Variants in NLN observed in about 807,000 individuals in gnomAD.
NLN encodes the protein neurolysin, also known as neurolysin, mitochondrial.
A neutral mutation model predicts 79.9 loss-of-function variants in NLN; 64 were observed. The ratio of observed to expected loss-of-function variants is 0.80; its 90% CI spans 0.65 to 0.99. NLN has a LOEUF of 0.99. NLN is among the 50% of genes least tolerant of loss of function. The pLI is 0.00. For synonymous variants in NLN, 267 were observed against 296.6 expected, an observed-to-expected ratio of 0.90 and a Z score of 1.02; for missense variants, 835 against 858.7, an observed-to-expected ratio of 0.97 and a Z score of 0.34.
In NLN at chr5:65,820,061, C is replaced by A. The variant is rs139494375; in HGVS notation, c.1981-2720C>A. Reference sequence around the variant, plus strand: ...AGTGCCCTGCTCTGAAATGATTTTACCATTCATGAGCTGTCTCTTTATAAC... The same window carrying A: ...AGTGCCCTGCTCTGAAATGATTTTAACATTCATGAGCTGTCTCTTTATAAC... On this transcript the variant is annotated intron_variant, in intron 12 of 12. Coordinates refer to ENST00000380985, the MANE Select transcript of NLN (RefSeq NM_020726.5). Among the ~76,000 whole-genome samples the A allele has an allele frequency of 5.1e-3, 780 of 152,330 alleles. 2 individuals carry two copies. The highest frequency in any genetic ancestry group is 0.015 in the African/African-American group (622 of 41,586).
intron 10 of NLN, 21 bp downstream of exon 10, chr5:65,809,722 A>C: frequency 6.5e-7 from 1 of 1,528,154 alleles, no homozygotes; most frequent in South Asian, 1.2e-5. Context: ...TAATTTTAAA[A>C]AGGAAAATAA....
chr5:65,812,069 C>T (rs981512266), intron 11 of NLN, among the ~76,000 whole-genome samples, 186 bp from the exon 12 acceptor site: 1 of 152,100 alleles, frequency 6.6e-6, no homozygotes, highest in Admixed American at 6.6e-5. Context: ...GAGGTTGAGC[C>T]ATTGATAGAT....
intron 1 of NLN, 140 bp downstream of exon 1, chr5:65,722,554 G>A (rs1758339691): frequency 1.4e-5 from 11 of 776,214 alleles, no homozygotes; most frequent in Admixed American, 5.7e-5. Context: ...GGCTTGCAAG[G>A]TGGACCCCTG....
chr5:65,793,287 G>A (rs2150765002), intron 9 of NLN: 1 of 158,326 alleles, frequency 6.3e-6, no homozygotes, highest in Non-Finnish European at 1.4e-5. Context: ...ATATGAACTT[G>A]CTAACATTTA....
chr5:65,726,044 G>A (rs1387590120), intron 1 of NLN, among the ~76,000 whole-genome samples: 2 of 151,744 alleles, frequency 1.3e-5, no homozygotes, highest in Non-Finnish European at 2.9e-5. Context: ...CCCGGAAGGT[G>A]GAGTTTGCAG....
chr5:65,775,125 T>C (rs1179613628), intron 3 of NLN, among the ~76,000 whole-genome samples: 1 of 152,226 alleles, frequency 6.6e-6, no homozygotes, highest in African/African-American at 2.4e-5. Flanking sequence ...ATAAGTAGTT[T>C]TAACTTTAAC....
chr5:65,784,107 G>A (rs1042110922), intron 6 of NLN, among the ~76,000 whole-genome samples: 6 of 152,088 alleles, frequency 3.9e-5, no homozygotes, highest in African/African-American at 1.2e-4. Context: ...AGTAAATGGT[G>A]GAACCAAATT....
At chr5:65,738,744 A>G (rs67117744) in intron 1 of NLN, among the ~76,000 whole-genome samples, 35,071 of 149,946 alleles carry the variant, frequency 0.23, 4,218 homozygotes, top group African/African-American at 0.27. Flanking sequence ...CTCAGCTGCT[A>G]GTAACTACCT....
rs765529648 is a variant in NLN, at chr5:65,812,360, G to C, written c.1949G>C (p.Cys650Ser). The C allele has an allele frequency of 1.9e-6, 3 of 1,566,034 alleles. No individual in the cohort carries two copies. In the East Asian group the frequency reaches 6.7e-5, roughly 35 times the overall value. The change falls in exon 12 of 13, where the codon TGT becomes TCT. Residue 650 changes from cysteine to serine, a missense_variant. By Grantham distance (112) the Cys-to-Ser change is moderately radical (BLOSUM62 -1). Coordinates refer to ENST00000380985, the MANE Select transcript of NLN (RefSeq NM_020726.5). The part of the protein sequence containing the change: ...EVFSMDMFYS[C>S]FKKEGIMNPE... ...TTTTCCATGGATATGTTTTACAGCTGTTTTAAAAAAGAAGGGATAATGAAT... is the reference window on the plus strand; with the variant it reads ...TTTTCCATGGATATGTTTTACAGCTCTTTTAAAAAAGAAGGGATAATGAAT...
intron 1 of NLN, among the ~76,000 whole-genome samples, chr5:65,731,832 C>T (rs1168907942): frequency 7.2e-6 from 1 of 138,464 alleles, no homozygotes; most frequent in Non-Finnish European, 1.5e-5. Context: ...CTCTCTGTAA[C>T]CTCTGCCTCC....
chr5:65,793,026 T>C (rs540750417), intron 9 of NLN: 4 of 357,558 alleles, frequency 1.1e-5, no homozygotes, highest in Admixed American at 8.2e-5. Flanking sequence ...TTGTTTACTT[T>C]AGTGGTTTTT....
chr5:65,788,130 A>G lies in NLN; in HGVS notation c.971A>G (p.Gln324Arg), dbSNP rs1001738667. 6.2e-7 allele frequency: 1 copy of G among 1,612,654 alleles called. No individual in the cohort carries two copies. The highest frequency in any genetic ancestry group is 8.5e-7 in the Non-Finnish European group (1 of 1,179,534). Residue 324 changes from glutamine (Q) to arginine (R), a missense_variant, in exon 8 of 13, where the codon CAG becomes CGG. Physicochemically the swap from Gln to Arg is conservative, Grantham distance 43. Transcript: ENST00000380985. ...RVTAFLDDLS[Q>R]KLKPLGEAER... The stretch of plus-strand genomic sequence containing the variant: ...CTTTTCCTTACAGATGATTTAAGCC[A>G]GAAGTTAAAACCCTTGGGTGAAGCA...
intron 11 of NLN, 44 bp downstream of exon 11, chr5:65,810,209 AG>A: frequency 6.3e-7 from 1 of 1,581,672 alleles, no homozygotes; most frequent in Non-Finnish European, 8.7e-7. Context: ...TGTGAAGCAC[AG>A]GGCGTTCTCC....
chr5:65,808,081 T>C (rs890730919), intron 9 of NLN, among the ~76,000 whole-genome samples: 3 of 152,244 alleles, frequency 2.0e-5, no homozygotes, highest in South Asian at 2.1e-4. Flanking sequence ...ATTTTTTTTA[T>C]TGGGATGTCC....
At chr5:65,755,587 ATGT>A (rs1380922581) in intron 1 of NLN, among the ~76,000 whole-genome samples, 1 of 152,230 alleles carries the variant, frequency 6.6e-6, no homozygotes, top group Admixed American at 6.5e-5. Flanking sequence ...AAGTTTTTAA[ATGT>A]TGTATACATT....
chr5:65,795,593 A>T (rs925890636), intron 9 of NLN, among the ~76,000 whole-genome samples: 1 of 152,172 alleles, frequency 6.6e-6, no homozygotes, highest in African/African-American at 2.4e-5. Flanking sequence ...AGGCTGAGGC[A>T]GGAGAATCGC....
At chr5:65,725,100 C>T (rs1012059450) in intron 1 of NLN, among the ~76,000 whole-genome samples, 2 of 152,044 alleles carry the variant, frequency 1.3e-5, no homozygotes, top group Non-Finnish European at 2.9e-5. Flanking sequence ...CCACTGCGCC[C>T]GGCAGAAGTG....
At position 65,823,443 on chromosome 5, in the gene NLN, G is replaced by A. The variant is rs1760844301; in HGVS notation, c.*528G>A. ...CTCAAGGCCAGGGGAATATGCCTCA[G>A]TGATGCATTTATCTTTGTATATCAG... On this transcript the variant is annotated 3_prime_UTR_variant, in exon 13 of 13. Transcript: ENST00000380985. The A allele has an allele frequency of 1.3e-5, 2 of 152,516 alleles. No homozygotes were observed. Among genetic ancestry groups the A allele is most frequent in the African/African-American group, 4.8e-5 (2 of 41,418 alleles). The allele number at this position is 152,516 out of a possible 1,614,324, so 9.4% of individuals were successfully genotyped here. A position where few individuals can be genotyped will look rare whatever the true frequency, so the allele number is the denominator to read the frequency against.
chr5:65,723,759 G>A (rs1476839927), intron 1 of NLN, among the ~76,000 whole-genome samples: 1 of 141,060 alleles, frequency 7.1e-6, no homozygotes, highest in African/African-American at 2.6e-5. Context: ...AGCTTGCAGT[G>A]AGCCGAGATC....
Sources: gnomAD v4.1 joint callset for allele counts (sites outside exome capture counted in the v4.1 genomes callset) on GRCh38, gnomAD v4.1.1 for gene constraint, MANE v1.5 for transcripts, NCBI Gene and HGNC (gene_info 2026-07-23, HGNC 2026-07-21) for gene names.